INSL6: variants seen among roughly 807,000 people sequenced by gnomAD.
The protein encoded by INSL6 is insulin-like peptide INSL6.
In INSL6, 16 loss-of-function variants were observed where a neutral mutation model predicts 9.4. The ratio of observed to expected loss-of-function variants is 1.70; its 90% confidence interval spans 1.15 to 2.59. The LOEUF is 2.59. INSL6 is among the 30% of genes most tolerant of loss of function. The pLI is 0.00. For missense variants in INSL6, 391 were observed against 257.3 expected, an observed-to-expected ratio of 1.52 and a Z score of -3.56; for synonymous variants, 154 against 96.9, an observed-to-expected ratio of 1.59 and a Z score of -3.46.
the INSL6 span, among the ~76,000 whole-genome samples, chr9:5,001,625 A>ATT: frequency 2.1e-5 from 3 of 143,346 alleles, no homozygotes; most frequent in Non-Finnish European, 4.6e-5. Context: ...TTTGCCTGTA[A>ATT]TTTTTTTTTT....
At chr9:5,107,267 T>C in the INSL6 span, among the ~76,000 whole-genome samples, 1 of 152,068 alleles carries the variant, frequency 6.6e-6, no homozygotes, top group Non-Finnish European at 1.5e-5. Context: ...TTACTGGCCC[T>C]ACTACTACTA....
chr9:5,084,162 A>G, the INSL6 span, among the ~76,000 whole-genome samples: 1 of 152,194 alleles, frequency 6.6e-6, no homozygotes, highest in Non-Finnish European at 1.5e-5. Context: ...AAATACATGT[A>G]CAATGAAATA....
the INSL6 span, among the ~76,000 whole-genome samples, chr9:5,071,808 T>G: frequency 1.3e-5 from 2 of 152,154 alleles, no homozygotes. Context: ...ACATTACAAA[T>G]CTAATAAATA....
At chr9:5,087,254 C>G in the INSL6 span, among the ~76,000 whole-genome samples, 1 of 152,164 alleles carries the variant, frequency 6.6e-6, no homozygotes, top group African/African-American at 2.4e-5. Flanking sequence ...GCAGAAGGCA[C>G]CTCTTCACAG....
downstream of INSL6, chr9:5,123,250 T>C: frequency 7.1e-6 from 4 of 566,498 alleles, no homozygotes; most frequent in Non-Finnish European, 9.6e-6. Context: ...TTTTAGGGTA[T>C]CCACCACCTT....
the INSL6 span, chr9:5,112,563 G>A: frequency 1.6e-6 from 1 of 640,496 alleles, no homozygotes; most frequent in Non-Finnish European, 2.7e-6. Context: ...ATAACGCCAG[G>A]GAGCGGCTGC....
At chr9:5,120,107 C>G (rs548780051), downstream of INSL6, among the ~76,000 whole-genome samples, 1 of 152,334 alleles carries the variant, frequency 6.6e-6, no homozygotes, top group African/African-American at 2.4e-5. Flanking sequence ...CAGGTTCAGG[C>G]GTCTGGTGAG....
At chr9:5,117,676 T>C in the INSL6 span, among the ~76,000 whole-genome samples, 1 of 83,804 alleles carries the variant, frequency 1.2e-5, no homozygotes, top group African/African-American at 5.2e-5. Flanking sequence ...AATAAATTAA[T>C]AAATATTTTT....
At chr9:5,137,628 T>TA (rs1221406258) in intron 2 of INSL6, among the ~76,000 whole-genome samples, 3 of 152,184 alleles carry the variant, frequency 2.0e-5, no homozygotes, top group South Asian at 2.1e-4. Flanking sequence ...CCTAAATCCA[T>TA]AAAAAACCTG....
At chr9:5,119,361 T>C (rs1823444033), downstream of INSL6, among the ~76,000 whole-genome samples, 2 of 152,234 alleles carry the variant, frequency 1.3e-5, no homozygotes, top group South Asian at 4.1e-4. Flanking sequence ...CAAGGTTCCT[T>C]TCTAATTTTA....
At chr9:5,015,538 CTT>C in the INSL6 span, among the ~76,000 whole-genome samples, 72 of 109,610 alleles carry the variant, frequency 6.6e-4, no homozygotes, top group African/African-American at 9.4e-4. Flanking sequence ...TTTTTCTTTT[CTT>C]TTTTTTTTTT....
At chr9:5,094,052 A>G in the INSL6 span, 1 of 152,228 alleles carries the variant, frequency 6.6e-6, no homozygotes, top group African/African-American at 2.4e-5. Flanking sequence ...GCAATAGCAT[A>G]AAACGTAAAA....
chr9:5,037,090 CA>C, the INSL6 span, among the ~76,000 whole-genome samples: 1 of 152,064 alleles, frequency 6.6e-6, no homozygotes, highest in Non-Finnish European at 1.5e-5. Flanking sequence ...TTTATGCAGC[CA>C]AAAGACATGA....
chr9:5,122,404 C>T (rs1175931760), downstream of INSL6, among the ~76,000 whole-genome samples: 1 of 152,016 alleles, frequency 6.6e-6, no homozygotes, highest in East Asian at 1.9e-4. Context: ...TTAAGTCTTG[C>T]CTTGGAACCA....
the INSL6 span, among the ~76,000 whole-genome samples, chr9:5,088,613 A>C: frequency 6.6e-5 from 10 of 152,342 alleles, no homozygotes; most frequent in African/African-American, 1.4e-4. Flanking sequence ...GGCTGCTATA[A>C]CAAAATACCA....
At chr9:5,085,048 C>G in the INSL6 span, 1 of 766,102 alleles carries the variant, frequency 1.3e-6, no homozygotes, top group Non-Finnish European at 2.2e-6. Context: ...GCGTCTCTTT[C>G]TGGGGATGAG....
intron 2 of INSL6, among the ~76,000 whole-genome samples, chr9:5,143,160 G>T (rs896438242): frequency 6.6e-6 from 1 of 151,570 alleles, no homozygotes; most frequent in Admixed American, 6.6e-5. Context: ...TCTTTTTTTT[G>T]TATTTCTGCC....
intron 1 of INSL6, among the ~76,000 whole-genome samples, chr9:5,182,469 T>C (rs1009783323): frequency 2.0e-5 from 3 of 152,112 alleles, no homozygotes; most frequent in African/African-American, 7.2e-5. Flanking sequence ...CTTATGTTAA[T>C]TGTCTATCTT....
At chr9:5,142,809 C>T (rs1056757859) in intron 2 of INSL6, among the ~76,000 whole-genome samples, 4 of 152,122 alleles carry the variant, frequency 2.6e-5, no homozygotes, top group African/African-American at 9.7e-5. Flanking sequence ...AACTTTTACC[C>T]ATTCAGTATG....
Sources: gnomAD v4.1 joint callset for allele counts (sites outside exome capture counted in the v4.1 genomes callset) on GRCh38, gnomAD v4.1.1 for gene constraint, MANE v1.5 for transcripts, NCBI Gene and HGNC (gene_info 2026-07-23, HGNC 2026-07-21) for gene names.